Variants in GPHN observed in about 807,000 individuals in gnomAD.
GPHN encodes gephyrin.
In GPHN, 17 loss-of-function variants were observed where a neutral mutation model predicts 95.5. The observed-to-expected ratio is 0.18, with a 90% CI of 0.12 to 0.27. The LOEUF is 0.27. Among genes scored for constraint, GPHN ranks in the 10% least tolerant of loss-of-function variants. GPHN has a pLI of 1.00. For missense variants in GPHN, 660 were observed against 978.1 expected, an observed-to-expected ratio of 0.67 and a Z score of 4.34; for synonymous variants, 320 against 322.5, an observed-to-expected ratio of 0.99 and a Z score of 0.08.
intron 1 of GPHN, among the ~76,000 whole-genome samples, 193 bp from the exon 2 acceptor site, chr14:66,680,914 A>G (rs1228939805): frequency 6.6e-6 from 1 of 152,072 alleles, no homozygotes; most frequent in Non-Finnish European, 1.5e-5. Flanking sequence ...TTGTTATTGA[A>G]ATGTTGGCTT....
At chr14:67,211,133 C>T in the GPHN span, among the ~76,000 whole-genome samples, 8 of 152,296 alleles carry the variant, frequency 5.3e-5, no homozygotes, top group Non-Finnish European at 1.0e-4. Context: ...TCATTTGTAA[C>T]ATGGGGATAC....
intron 1 of GPHN, among the ~76,000 whole-genome samples, chr14:66,663,833 T>TG (rs150033259): frequency 1.6e-5 from 2 of 126,646 alleles, no homozygotes; most frequent in African/African-American, 8.7e-5. Context: ...GTTGCAATCC[T>TG]GTTCTGACAA....
At chr14:67,302,382 T>C in the GPHN span, 13 of 1,340,766 alleles carry the variant, frequency 9.7e-6, no homozygotes, top group African/African-American at 1.8e-4. Flanking sequence ...TATTTTTATT[T>C]TTAAATTATA....
the GPHN span, among the ~76,000 whole-genome samples, chr14:67,326,077 G>A: frequency 2.0e-5 from 3 of 146,378 alleles, no homozygotes; most frequent in Non-Finnish European, 3.0e-5. Flanking sequence ...CAGCCTCCTC[G>A]GCCTCCCAAA....
the GPHN span, among the ~76,000 whole-genome samples, chr14:67,511,077 GA>G: frequency 6.6e-6 from 1 of 152,166 alleles, no homozygotes; most frequent in South Asian, 2.1e-4. Context: ...AACTCAGGGT[GA>G]GTGACCTTTC....
At chr14:66,964,365 A>G (rs1204839158) in intron 8 of GPHN, among the ~76,000 whole-genome samples, 1 of 152,208 alleles carries the variant, frequency 6.6e-6, no homozygotes, top group Non-Finnish European at 1.5e-5. Context: ...TAAAGGAAGT[A>G]GCAATTCAAA....
the GPHN span, among the ~76,000 whole-genome samples, chr14:67,712,324 T>C: frequency 6.6e-6 from 1 of 152,138 alleles, no homozygotes; most frequent in South Asian, 2.1e-4. Context: ...AACCATGTGA[T>C]GCTTTTATAG....
At chr14:66,801,816 C>T (rs573886022) in intron 3 of GPHN, among the ~76,000 whole-genome samples, 45 of 149,360 alleles carry the variant, frequency 3.0e-4, no homozygotes, top group African/African-American at 9.2e-4. Context: ...CGCTCCCTCT[C>T]CCTCTCCCTC....
In GPHN at chr14:66,776,483, G is replaced by T. The variant is rs1395600594; in HGVS notation, c.163G>T (p.Ala55Ser). The change falls in exon 3 of 23, where the codon GCA becomes TCA. Residue 55 changes from alanine (A) to serine (S), a missense_variant. By Grantham distance (99) the Ala-to-Ser change is moderately conservative. Transcript: ENST00000478722. ...DPSLLGGTIS[A>S]YKIVPDEIEE... ...TTTCAGGTTGGGTGGGACTATATCA[G>T]CATACAAGATAGTACCAGATGAAAT... 19 of 1,574,262 alleles carry T rather than the reference G, an allele frequency of 1.2e-5. No individual in the cohort carries two copies. The Admixed American group carries it at 2.7e-4, about 22-fold the overall frequency.
At chr14:66,783,254 C>T (rs1452510907) in intron 3 of GPHN, among the ~76,000 whole-genome samples, 3 of 152,190 alleles carry the variant, frequency 2.0e-5, no homozygotes, top group African/African-American at 4.8e-5. Context: ...AAGTAAGTGG[C>T]ATAGTTCTGA....
At chr14:67,569,333 C>T in the GPHN span, 8 of 686,008 alleles carry the variant, frequency 1.2e-5, no homozygotes, top group Admixed American at 1.9e-4. Context: ...CTACCCTGTT[C>T]CCCTCCCCAG....
At chr14:66,925,565 A>G (rs1178941950) in intron 8 of GPHN, among the ~76,000 whole-genome samples, 2 of 152,166 alleles carry the variant, frequency 1.3e-5, no homozygotes, top group Non-Finnish European at 1.5e-5. Context: ...TTCATTTAAC[A>G]GTGTCTTCCA....
At chr14:67,173,514 C>T (rs948515196) in intron 21 of GPHN, among the ~76,000 whole-genome samples, 6 of 152,090 alleles carry the variant, frequency 3.9e-5, no homozygotes, top group African/African-American at 1.4e-4. Context: ...TTGAAAAAGT[C>T]ACCACACCCT....
At chr14:67,387,109 G>A in the GPHN span, 2 of 388,646 alleles carry the variant, frequency 5.1e-6, no homozygotes, top group Non-Finnish European at 9.1e-6. Context: ...AGATGCTGAC[G>A]CCTAATGGCT....
the GPHN span, among the ~76,000 whole-genome samples, chr14:67,464,588 T>C: frequency 1.3e-5 from 2 of 152,122 alleles, no homozygotes; most frequent in African/African-American, 4.8e-5. Context: ...CATCTTTGCC[T>C]CTTGTACCAG....
chr14:67,423,660 A>G, the GPHN span, among the ~76,000 whole-genome samples: 1 of 152,198 alleles, frequency 6.6e-6, no homozygotes, highest in Non-Finnish European at 1.5e-5. Flanking sequence ...AGAACCGCAG[A>G]GAGGAAAGGA....
At chr14:67,442,997 A>AT in the GPHN span, among the ~76,000 whole-genome samples, 1 of 151,576 alleles carries the variant, frequency 6.6e-6, no homozygotes, top group Non-Finnish European at 1.5e-5. Flanking sequence ...AGGCAGGAGG[A>AT]TTGCTTGAGC....
chr14:67,155,202 C>G (rs2081511339), intron 18 of GPHN, among the ~76,000 whole-genome samples: 1 of 152,194 alleles, frequency 6.6e-6, no homozygotes, highest in Admixed American at 6.5e-5. Context: ...TAAAGACAAT[C>G]TGCAGATAAA....
intron 11 of GPHN, among the ~76,000 whole-genome samples, chr14:67,069,586 G>A (rs908719958): frequency 2.0e-5 from 3 of 152,136 alleles, no homozygotes; most frequent in African/African-American, 7.2e-5. Flanking sequence ...CTGCTAAAGT[G>A]GAAAAACAAA....
Sources: gnomAD v4.1 joint callset for allele counts (sites outside exome capture counted in the v4.1 genomes callset) on GRCh38, gnomAD v4.1.1 for gene constraint, MANE v1.5 for transcripts, NCBI Gene and HGNC (gene_info 2026-07-23, HGNC 2026-07-21) for gene names.